SGIP1: variants seen among roughly 807,000 people sequenced by gnomAD.
The protein encoded by SGIP1 is SH3GL interacting endocytic adaptor 1, also known as SH3-containing GRB2-like protein 3-interacting protein 1.
SGIP1 carries 38 observed loss-of-function variants against 107.5 expected under a neutral mutation model. That is an observed-to-expected ratio of 0.35 (90% CI 0.27 to 0.46). SGIP1 has a LOEUF of 0.46. Ranked by LOEUF, SGIP1 falls within the 20% of genes least tolerant of loss-of-function variation. The probability of loss-of-function intolerance (pLI) is 1.00; values close to 1 mark genes in which losing one functional copy is unlikely to be tolerated. For synonymous variants in SGIP1, 365 were observed against 366.1 expected (o/e 1.00, Z 0.03); for missense variants, 929 against 1,019.5 (o/e 0.91, Z 1.21).
chr1:66,543,887 C>T (rs1363841802), intron 1 of SGIP1, among the ~76,000 whole-genome samples: 1 of 152,078 alleles, frequency 6.6e-6, no homozygotes, highest in Non-Finnish European at 1.5e-5. Flanking sequence ...GGTGCAGATG[C>T]CAGTTTTTTT....
intron 19 of SGIP1, 80 bp downstream of exon 19, chr1:66,719,485 T>C (rs920305495): frequency 1.9e-5 from 21 of 1,118,354 alleles, no homozygotes; most frequent in Admixed American, 2.8e-5. Context: ...AACCTTTTCA[T>C]TTTTTCTTTT....
chr1:66,590,168 C>T (rs1199680279), intron 1 of SGIP1, among the ~76,000 whole-genome samples: 1 of 152,172 alleles, frequency 6.6e-6, no homozygotes, highest in African/African-American at 2.4e-5. Flanking sequence ...TTTTCATACT[C>T]ATTTTGAGAA....
intron 19 of SGIP1, among the ~76,000 whole-genome samples, chr1:66,723,998 T>C (rs1008012254): frequency 2.6e-5 from 4 of 152,148 alleles, no homozygotes; most frequent in African/African-American, 9.7e-5. Flanking sequence ...TCTTGTAATA[T>C]GAAAAGCAGT....
intron 1 of SGIP1, among the ~76,000 whole-genome samples, chr1:66,612,395 GA>G (rs2068214321): frequency 1.3e-5 from 2 of 152,350 alleles, no homozygotes; most frequent in African/African-American, 4.8e-5. Flanking sequence ...GAAGGAATCG[GA>G]AAGCATACTG....
intron 1 of SGIP1, among the ~76,000 whole-genome samples, chr1:66,542,411 C>T (rs1571043384): frequency 6.6e-6 from 1 of 152,266 alleles, no homozygotes. Flanking sequence ...TGAGATGTTA[C>T]AGTGCCTACA....
At chr1:66,710,999 G>A (rs1376198283) in intron 18 of SGIP1, among the ~76,000 whole-genome samples, 2 of 152,088 alleles carry the variant, frequency 1.3e-5, no homozygotes, top group Admixed American at 6.6e-5. Context: ...GGTGTGTAAA[G>A]CTATTAACAT....
chr1:66,551,592 T>C (rs1382502375), intron 1 of SGIP1, among the ~76,000 whole-genome samples: 1 of 152,162 alleles, frequency 6.6e-6, no homozygotes, highest in Non-Finnish European at 1.5e-5. Context: ...TCAATAACTA[T>C]AATAAGATAT....
chr1:66,592,790 T>C (rs2063857101), intron 1 of SGIP1, among the ~76,000 whole-genome samples: 1 of 152,136 alleles, frequency 6.6e-6, no homozygotes, highest in Admixed American at 6.5e-5. Context: ...TCCTATTTTC[T>C]TCATAGTTTT....
At chr1:66,584,045 C>T (rs11208914) in intron 1 of SGIP1, among the ~76,000 whole-genome samples, 48,862 of 151,784 alleles carry the variant, frequency 0.32, 8,056 homozygotes, top group Admixed American at 0.41. Context: ...TCCTTAGAGG[C>T]CTGTTTTGTT....
intron 19 of SGIP1, among the ~76,000 whole-genome samples, chr1:66,726,170 G>A (rs2093746635): frequency 1.3e-5 from 2 of 152,202 alleles, no homozygotes; most frequent in Admixed American, 6.5e-5. Context: ...TGCATTGCAA[G>A]AGCCTGCATT....
intron 7 of SGIP1, among the ~76,000 whole-genome samples, chr1:66,659,950 AAAAGAAAGAAAG>A (rs71058469): frequency 0.13 from 5,630 of 42,992 alleles, 494 homozygotes; most frequent in Non-Finnish European, 0.15. Context: ...AAAAGAAAGA[AAAAGAAAGAAAG>A]AAAGAAAGAA....
At chr1:66,643,930 A>G (rs1351585387) in intron 7 of SGIP1, 2 of 342,570 alleles carry the variant, frequency 5.8e-6, no homozygotes, top group Non-Finnish European at 1.0e-5. Context: ...AAAAGGTGAA[A>G]AATATATGGA....
At chr1:66,710,275 A>C (rs1372486718) in intron 18 of SGIP1, among the ~76,000 whole-genome samples, 1 of 152,150 alleles carries the variant, frequency 6.6e-6, no homozygotes, top group African/African-American at 2.4e-5. Context: ...AAGAATTTCT[A>C]CATTTCTTTT....
intron 1 of SGIP1, among the ~76,000 whole-genome samples, chr1:66,593,165 T>A (rs140995390): frequency 5.3e-5 from 8 of 152,260 alleles, no homozygotes; most frequent in African/African-American, 1.9e-4. Context: ...ACGGTCTGGA[T>A]GTACGATGGC....
intron 21 of SGIP1, among the ~76,000 whole-genome samples, chr1:66,738,480 T>G (rs2094342623): frequency 6.6e-6 from 1 of 152,226 alleles, no homozygotes; most frequent in Admixed American, 6.5e-5. Context: ...ATCGAGAAAT[T>G]CCAACACTGT....
chr1:66,739,863 C>A (rs1245695993), intron 22 of SGIP1, among the ~76,000 whole-genome samples: 1 of 152,168 alleles, frequency 6.6e-6, no homozygotes, highest in Non-Finnish European at 1.5e-5. Context: ...CAGGAAGCCA[C>A]AGCTGTAATT....
Position 66,740,703 on chromosome 1 carries a change from T to C in SGIP1, c.2280T>C (p.Ser760=). Residue 760 remains serine (S), a synonymous_variant, in exon 23 of 25, where the codon TCT becomes TCC. Transcript: ENST00000371037. Reference sequence around the variant, plus strand: ...TATTGTGGAAGATTCCTGATATCTCTCAGAAGTCAGAAAATGGAGGTAATG... The same window carrying C: ...TATTGTGGAAGATTCCTGATATCTCCCAGAAGTCAGAAAATGGAGGTAATG... The part of the protein sequence containing the change: ...QRILWKIPDI[S]QKSENGGVGS... The C allele has an allele frequency of 6.2e-7, 1 of 1,606,554 alleles. No individual in the cohort carries two copies. Among genetic ancestry groups the C allele is most frequent in the Non-Finnish European group, 8.5e-7 (1 of 1,174,610 alleles).
intron 1 of SGIP1, among the ~76,000 whole-genome samples, chr1:66,542,576 T>C (rs2055247891): frequency 6.6e-6 from 1 of 152,150 alleles, no homozygotes; most frequent in South Asian, 2.1e-4. Flanking sequence ...GTGGATACAC[T>C]GGACAAAGGA....
Position 66,689,268 on chromosome 1 carries a change from G to A in SGIP1, c.1436G>A (p.Gly479Glu), listed in dbSNP as rs2089270004. 6.2e-7 allele frequency: 1 copy of A among 1,613,378 alleles called. No homozygotes were observed. Among genetic ancestry groups the A allele is most frequent in the Admixed American group, 1.7e-5 (1 of 59,952 alleles). Residue 479 changes from glycine (G) to glutamate (E), a missense_variant, in exon 16 of 25, where the codon GGA becomes GAA. Transcript: ENST00000371037. ...PKLPPGKPGV[G>E]DVSRPFSPPI... ...CTACCTCCAGGAAAACCTGGAGTTG[G>A]AGATGTGGTATGTTCCCTTCTGCCC...
Sources: allele counts gnomAD v4.1 joint callset (sites outside exome capture counted in the v4.1 genomes callset), GRCh38; gene constraint gnomAD v4.1.1; transcripts MANE v1.5; gene names NCBI Gene and HGNC (gene_info 2026-07-23, HGNC 2026-07-21).